EYA4: variants seen among roughly 807,000 people sequenced by gnomAD.
The protein encoded by EYA4 is EYA transcriptional coactivator and phosphatase 4.
In EYA4, 31 loss-of-function variants were observed where a neutral mutation model predicts 87.9. The ratio of observed to expected loss-of-function variants is 0.35; its 90% CI spans 0.27 to 0.48. The LOEUF (loss-of-function observed/expected upper bound fraction) is 0.48. Ranked by LOEUF, EYA4 falls within the 20% of genes least tolerant of loss-of-function variation. The probability of loss-of-function intolerance (pLI) is 0.99; values close to 1 mark genes in which losing one functional copy is unlikely to be tolerated. For missense variants in EYA4, 678 were observed against 761.4 expected, an observed-to-expected ratio of 0.89 and a Z score of 1.29; for synonymous variants, 263 against 270.6, an observed-to-expected ratio of 0.97 and a Z score of 0.28.
At chr6:133,492,317 A>G (rs1277540725) in intron 13 of EYA4, among the ~76,000 whole-genome samples, 1 of 152,246 alleles carries the variant, frequency 6.6e-6, no homozygotes, top group Non-Finnish European at 1.5e-5. Flanking sequence ...ATGCAAATCA[A>G]TCAACGTGAT....
chr6:133,361,008 T>C (rs1784408691), intron 2 of EYA4, among the ~76,000 whole-genome samples: 4 of 152,218 alleles, frequency 2.6e-5, no homozygotes, highest in Admixed American at 1.3e-4. Context: ...AAGGCAGTTC[T>C]CCATGGGTCT....
intron 2 of EYA4, among the ~76,000 whole-genome samples, chr6:133,352,059 A>G (rs1298622262): frequency 2.0e-5 from 3 of 152,078 alleles, no homozygotes; most frequent in African/African-American, 7.2e-5. Context: ...TTCTTGAACT[A>G]TAGATCTCAA....
chr6:133,311,758 C>T (rs143391683), intron 2 of EYA4, among the ~76,000 whole-genome samples: 102 of 152,228 alleles, frequency 6.7e-4, no homozygotes, highest in African/African-American at 1.2e-3. Flanking sequence ...GTAAGCTCCA[C>T]GAGGACATTC....
At chr6:133,293,480 G>A (rs939350530) in intron 2 of EYA4, among the ~76,000 whole-genome samples, 1 of 152,038 alleles carries the variant, frequency 6.6e-6, no homozygotes, top group Non-Finnish European at 1.5e-5. Flanking sequence ...GAATAAGAAA[G>A]GCAACATAGT....
At position 133,530,749 on chromosome 6, in the gene EYA4, C is replaced by T. The variant is rs902561734; in HGVS notation, c.*1944C>T. 8 of 986,014 alleles carry T rather than the reference C, an allele frequency of 8.1e-6. No individual in the cohort carries two copies. Among genetic ancestry groups the T allele is most frequent in the African/African-American group, 1.7e-5 (1 of 57,206 alleles). 61.1% of individuals were successfully genotyped at this position (986,014 alleles called of 1,614,324 possible). ...AAGATTGTGATTTCATTATCTAAACCTTAAACTTAATCCTTTAAATTTTGT... is the reference window on the plus strand; with the variant it reads ...AAGATTGTGATTTCATTATCTAAACTTTAAACTTAATCCTTTAAATTTTGT... On this transcript the variant is annotated 3_prime_UTR_variant, in exon 20 of 20. Coordinates refer to ENST00000355286, the MANE Select transcript of EYA4 (RefSeq NM_004100.5).
intron 16 of EYA4, 53 bp downstream of exon 16, chr6:133,513,091 C>A: frequency 8.6e-6 from 13 of 1,507,032 alleles, no homozygotes; most frequent in Non-Finnish European, 1.1e-5. Flanking sequence ...AGGTAGAATT[C>A]AATCTGTAGT....
rs369137173 is a variant in EYA4 at position 133,367,777 on chromosome 6, A to G, written c.34-14615A>G. 6.6e-5 allele frequency among the ~76,000 whole-genome samples: 10 copies of G among 152,330 alleles called. 1 individual carries two copies. Among genetic ancestry groups the G allele is most frequent in the East Asian group, 3.9e-4 (2 of 5,182 alleles). On this transcript the variant is annotated intron_variant, in intron 2 of 19. Coordinates refer to ENST00000355286, the MANE Select transcript of EYA4 (RefSeq NM_004100.5). The stretch of plus-strand genomic sequence containing the variant: ...GATTTTGGCTATCTTATTAACTATT[A>G]ATAATTCGTACCTACAGGATGTCAT...
At chr6:133,392,590 G>A (rs897418085) in intron 3 of EYA4, among the ~76,000 whole-genome samples, 1 of 152,040 alleles carries the variant, frequency 6.6e-6, no homozygotes, top group Admixed American at 6.5e-5. Context: ...ATTTTGGGGC[G>A]GCATTACACA....
intron 3 of EYA4, among the ~76,000 whole-genome samples, chr6:133,386,251 A>G (rs1786737460): frequency 1.3e-5 from 2 of 152,100 alleles, no homozygotes; most frequent in Admixed American, 1.3e-4. Context: ...TGGTGAATTT[A>G]TTTGTGTCAA....
intron 19 of EYA4, among the ~76,000 whole-genome samples, chr6:133,526,903 G>A (rs1007667459): frequency 1.3e-5 from 2 of 152,120 alleles, no homozygotes; most frequent in South Asian, 2.1e-4. Flanking sequence ...TTAAATTCAC[G>A]TATATTTAGG....
At position 133,315,359 on chromosome 6, in the gene EYA4, TG is replaced by T. The variant is rs538005241; in HGVS notation, c.33+40548del. ...AGTTGAAGATTTTTCTCTCCTTTTA[TG>T]GCAATTTCAACCTCAAGGTGAAATA... On this transcript the variant is annotated intron_variant, in intron 2 of 19. Transcript: ENST00000355286. Among the ~76,000 whole-genome samples the T allele has an allele frequency of 3.3e-5, 5 of 152,342 alleles. No individual in the cohort carries two copies. The South Asian group carries it at 1.0e-3, about 32-fold the overall frequency.
At chr6:133,338,299 T>C (rs1019153194) in intron 2 of EYA4, among the ~76,000 whole-genome samples, 2 of 152,180 alleles carry the variant, frequency 1.3e-5, no homozygotes, top group Non-Finnish European at 2.9e-5. Context: ...ACTACATCAA[T>C]TGGCATTTGA....
chr6:133,256,767 A>C (rs982441622), intron 1 of EYA4, among the ~76,000 whole-genome samples: 2 of 152,124 alleles, frequency 1.3e-5, no homozygotes, highest in African/African-American at 4.8e-5. Context: ...TATATTAATC[A>C]GTTGATTTTG....
At chr6:133,352,888 C>T (rs1783742664) in intron 2 of EYA4, among the ~76,000 whole-genome samples, 1 of 152,138 alleles carries the variant, frequency 6.6e-6, no homozygotes, top group South Asian at 2.1e-4. Flanking sequence ...ACTAACAAAG[C>T]TTCACATGTC....
At chr6:133,386,826 G>A (rs1035479861) in intron 3 of EYA4, among the ~76,000 whole-genome samples, 1 of 152,030 alleles carries the variant, frequency 6.6e-6, no homozygotes, top group African/African-American at 2.4e-5. Flanking sequence ...AAGAACTTGT[G>A]GTATGTATGA....
chr6:133,249,834 C>T (rs1774742476), intron 1 of EYA4, among the ~76,000 whole-genome samples: 1 of 152,210 alleles, frequency 6.6e-6, no homozygotes, highest in African/African-American at 2.4e-5. Flanking sequence ...CCAGCTTCTA[C>T]ATTTAACATA....
At chr6:133,475,976 A>C (rs532472273) in intron 11 of EYA4, among the ~76,000 whole-genome samples, 1 of 152,174 alleles carries the variant, frequency 6.6e-6, no homozygotes, top group South Asian at 2.1e-4. Flanking sequence ...CCTCCATCTC[A>C]CAGAAATTAT....
At chr6:133,364,686 G>C (rs536526180) in intron 2 of EYA4, among the ~76,000 whole-genome samples, 4 of 152,330 alleles carry the variant, frequency 2.6e-5, no homozygotes, top group African/African-American at 9.6e-5. Flanking sequence ...GTGCATTCCA[G>C]TTAGTCAAAG....
At chr6:133,400,496 A>C (rs982324719) in intron 3 of EYA4, among the ~76,000 whole-genome samples, 6 of 96,090 alleles carry the variant, frequency 6.2e-5, no homozygotes, top group African/African-American at 1.5e-4. Context: ...TGACAAAGCA[A>C]GACTCTGTCT....
Sources: gnomAD v4.1 joint callset for allele counts (sites outside exome capture counted in the v4.1 genomes callset) on GRCh38, gnomAD v4.1.1 for gene constraint, MANE v1.5 for transcripts, NCBI Gene and HGNC (gene_info 2026-07-23, HGNC 2026-07-21) for gene names.